Variants in DDX39B observed in about 807,000 individuals in gnomAD.
DDX39B encodes DExD-box helicase 39B, also known as spliceosome RNA helicase DDX39B.
DDX39B carries 6 observed loss-of-function variants against 46.4 expected under a neutral mutation model. The observed-to-expected ratio is 0.13, with a 90% CI of 0.07 to 0.26. The LOEUF (loss-of-function observed/expected upper bound fraction) is 0.26, where lower values mean the gene tolerates loss of function less well. Among genes scored for constraint, DDX39B ranks in the 10% least tolerant of loss-of-function variants. The pLI, the probability that DDX39B is intolerant of heterozygous loss-of-function variation, is 1.00. For missense variants in DDX39B, 185 were observed against 553.4 expected, an observed-to-expected ratio of 0.33 and a Z score of 6.68; for synonymous variants, 174 against 199.4, an observed-to-expected ratio of 0.87 and a Z score of 1.07.
rs1239112111 is a variant in DDX39B at position 31,535,020 on chromosome 6, G to A, written c.735+347C>T. On this transcript the variant is annotated intron_variant, in intron 6 of 10. Coordinates refer to ENST00000396172, the MANE Select transcript of DDX39B (RefSeq NM_004640.7). This position sits in a 1 kb window ranked among gnomAD's most constrained non-coding sequence, Gnocchi z 4.6. ...GATGCCACCTTGAGGGTGCGTGGCT[G>A]TAGGGTGCATGTAAGAGACGATGGA... 8.1e-6 allele frequency: 3 copies of A among 370,982 alleles called. No homozygotes were observed. The highest frequency in any genetic ancestry group is 3.8e-5 in the Admixed American group (1 of 26,096). The allele number at this position is 370,982 out of a possible 1,614,324, so 23.0% of individuals were successfully genotyped here. A position where few individuals can be genotyped will look rare whatever the true frequency, so the allele number is the denominator to read the frequency against.
intron 4 of DDX39B, 66 bp downstream of exon 4, chr6:31,538,697 C>G: frequency 7.1e-7 from 1 of 1,412,312 alleles, no homozygotes; most frequent in Non-Finnish European, 9.7e-7. Flanking sequence ...AGACTATTGG[C>G]CTACAAGTTT....
intron 5 of DDX39B, 44 bp downstream of exon 5, chr6:31,536,456 G>T: frequency 6.2e-7 from 1 of 1,612,222 alleles, no homozygotes; most frequent in South Asian, 1.1e-5. Context: ...TGGCTCCAAA[G>T]AACAACTCCC....
At position 31,530,465 on chromosome 6, in the gene DDX39B, T is replaced by A; in HGVS notation, c.1271-15A>T. On this transcript the variant is annotated splice_polypyrimidine_tract_variant and intron_variant, in intron 10 of 10. Coordinates refer to ENST00000396172, the MANE Select transcript of DDX39B (RefSeq NM_004640.7). The surrounding 1 kb of genome is among the most constrained non-coding windows in gnomAD (Gnocchi z 4.5). ...TGTCTGTTCAACTGAGAAGAAAACGTAGCATGGTCAGAATAAGGCATGAAA... is the reference window on the plus strand; with the variant it reads ...TGTCTGTTCAACTGAGAAGAAAACGAAGCATGGTCAGAATAAGGCATGAAA... The A allele has an allele frequency of 6.2e-7, 1 of 1,609,416 alleles. No homozygotes were observed. Among genetic ancestry groups the A allele is most frequent in the Non-Finnish European group, 8.5e-7 (1 of 1,178,356 alleles).
Position 31,535,193 on chromosome 6 carries a change from C to T in DDX39B, c.735+174G>A. 1.5e-6 allele frequency: 1 copy of T among 686,102 alleles called. No individual in the cohort carries two copies. The highest frequency in any genetic ancestry group is 1.7e-5 in the South Asian group (1 of 59,884). The allele number at this position is 686,102 out of a possible 1,614,324, so 42.5% of individuals were successfully genotyped here. A position where few individuals can be genotyped will look rare whatever the true frequency, so the allele number is the denominator to read the frequency against. ...GGAGTTTCCCTGGCACCCGCGCAGG[C>T]CCTAACACTAGCTGTCTCTGCTTCT... is the stretch of plus-strand genomic sequence containing the variant. On this transcript the variant is annotated intron_variant, in intron 6 of 10. Transcript: ENST00000396172. The surrounding 1 kb of genome is among the most constrained non-coding windows in gnomAD (Gnocchi z 4.6).
In DDX39B at chr6:31,535,646, GTTTGT is replaced by G. The variant is rs947992334; in HGVS notation, c.617-166_617-162del. Among the ~76,000 whole-genome samples the G allele has an allele frequency of 6.6e-6, 1 of 151,942 alleles. No individual in the cohort carries two copies. Among genetic ancestry groups the G allele is most frequent in the African/African-American group, 2.4e-5 (1 of 41,378 alleles). ...CAAGAAGTGGGATCAGATTCCAGCT[GTTTGT>G]TTTAACCAAGCAAGAAATAAGGTAA... is the stretch of plus-strand genomic sequence containing the variant. On this transcript the variant is annotated intron_variant, in intron 5 of 10. Coordinates refer to ENST00000396172, the MANE Select transcript of DDX39B (RefSeq NM_004640.7). The surrounding 1 kb of genome is among the most constrained non-coding windows in gnomAD (Gnocchi z 4.6).
In DDX39B at chr6:31,532,784, T is replaced by G. The variant is rs745700709; in HGVS notation, c.863A>C (p.Asn288Thr). The change falls in exon 7 of 11, where the codon AAC (asparagine) becomes ACC (threonine). Residue 288 changes from asparagine to threonine, a missense_variant. By Grantham distance (65) the Asn-to-Thr change is moderately conservative. This residue lies in a region of DDX39B where 110 missense variants were observed against 282.2 expected (regional missense o/e 0.39). Transcript: ENST00000396172. ...LFDLLDVLEF[N>T]QVVIFVKSVQ... ...CCTACTGGACGTCTAACTGACCTGG[T>G]TGAACTCAAGGACATCCAGAAGGTC... The G allele has an allele frequency of 6.2e-7, 1 of 1,610,248 alleles. No homozygotes were observed. The highest frequency in any genetic ancestry group is 1.3e-5 in the African/African-American group (1 of 74,776).
chr6:31,535,618 A>G lies in DDX39B; in HGVS notation c.617-133T>C. On this transcript the variant is annotated intron_variant, in intron 5 of 10. Coordinates refer to ENST00000396172, the MANE Select transcript of DDX39B (RefSeq NM_004640.7). The surrounding 1 kb of genome is among the most constrained non-coding windows in gnomAD (Gnocchi z 4.6). Reference sequence around the variant, plus strand: ...ACAATGGAAAGAGCAATGGACTTGGAATCAAGAAGTGGGATCAGATTCCAG... The same window carrying G: ...ACAATGGAAAGAGCAATGGACTTGGGATCAAGAAGTGGGATCAGATTCCAG... The G allele has an allele frequency of 1.4e-6, 1 of 690,374 alleles. No homozygotes were observed. Among genetic ancestry groups the G allele is most frequent in the Admixed American group, 2.7e-5 (1 of 37,344 alleles). 42.8% of individuals were successfully genotyped at this position (690,374 alleles called of 1,614,324 possible).
chr6:31,538,403 G>T (rs139509261), intron 4 of DDX39B, among the ~76,000 whole-genome samples: 1 of 152,212 alleles, frequency 6.6e-6, no homozygotes, highest in East Asian at 1.9e-4. Context: ...TAATCCACAC[G>T]CCTTGGCCTC....
At chr6:31,532,980 A>C in intron 6 of DDX39B, 69 bp from the exon 7 acceptor site, 1 of 538,060 alleles carries the variant, frequency 1.9e-6, no homozygotes, top group Non-Finnish European at 3.5e-6. Context: ...GGGGGGGTGG[A>C]GGAAGTTGAT....
rs1234375587 is a variant in DDX39B at position 31,541,870 on chromosome 6, A to T, written c.-133+80T>A. Reference sequence around the variant, plus strand: ...AGCGACCAGACCATCGCCTGTGAAAAGGGTATCAGGAACCCATGTGACGGG... The same window carrying T: ...AGCGACCAGACCATCGCCTGTGAAATGGGTATCAGGAACCCATGTGACGGG... On this transcript the variant is annotated intron_variant, in intron 1 of 10. Transcript: ENST00000396172. 2.7e-5 allele frequency: 17 copies of T among 632,550 alleles called. No individual in the cohort carries two copies. In the East Asian group the frequency reaches 4.7e-4, roughly 17 times the overall value. The allele number at this position is 632,550 out of a possible 1,614,324, so 39.2% of individuals were successfully genotyped here. A position where few individuals can be genotyped will look rare whatever the true frequency, so the allele number is the denominator to read the frequency against.
In DDX39B at chr6:31,539,287, G is replaced by C. The variant is rs371761523; in HGVS notation, c.212-13C>G. ...CACTCATGCTGGACTAAAAGTTGGGGGGGGAGGAAGATAAATTAGACTTCA... is the reference window on the plus strand; with the variant it reads ...CACTCATGCTGGACTAAAAGTTGGGCGGGGAGGAAGATAAATTAGACTTCA... On this transcript the variant is annotated splice_polypyrimidine_tract_variant and intron_variant, in intron 2 of 10. Coordinates refer to ENST00000396172, the MANE Select transcript of DDX39B (RefSeq NM_004640.7). 1.7e-5 allele frequency: 27 copies of C among 1,606,872 alleles called. No homozygotes were observed. The African/African-American group carries it at 3.1e-4, about 18-fold the overall frequency.
chr6:31,534,740 G>A lies in DDX39B; in HGVS notation c.735+627C>T, dbSNP rs1213546261. ...GGTGCCGTCTGCATTCCCTCGCCGC[G>A]CCACGGTGCTTCTCTGTTGCCGGCT... On this transcript the variant is annotated intron_variant, in intron 6 of 10. Transcript: ENST00000396172. The surrounding 1 kb of genome is among the most constrained non-coding windows in gnomAD (Gnocchi z 5.1). 7 of 348,150 alleles carry A rather than the reference G, an allele frequency of 2.0e-5. No homozygotes were observed. Among genetic ancestry groups the A allele is most frequent in the Admixed American group, 7.6e-5 (2 of 26,378 alleles). The allele number at this position is 348,150 out of a possible 1,614,324, so 21.6% of individuals were successfully genotyped here.
At position 31,536,668 on chromosome 6, in the gene DDX39B, CA is replaced by C; in HGVS notation, c.447del (p.Phe149LeufsTer13). The C allele has an allele frequency of 4.4e-6, 7 of 1,606,592 alleles. No individual in the cohort carries two copies. Among genetic ancestry groups the C allele is most frequent in the Admixed American group, 3.4e-5 (2 of 58,736 alleles). On this transcript the variant is annotated frameshift_variant, in exon 5 of 11. Transcript: ENST00000396172. LOFTEE classifies it high-confidence loss of function. ...YMPNVKVAVFFGGLSIKKDEE... is the reference protein window; with the variant it reads ...YMPNVKVAVFXGGLSIKKDEE... ...TCATCCTTCTTGATAGACAGACCAC[CA>C]AAAAAAACAGCAACCTGCCGAGCCA... is the stretch of plus-strand genomic sequence containing the variant.
At chr6:31,538,023 G>A (rs1406316793) in intron 4 of DDX39B, among the ~76,000 whole-genome samples, 3 of 152,058 alleles carry the variant, frequency 2.0e-5, no homozygotes, top group South Asian at 2.1e-4. Context: ...GGGACACAGC[G>A]AGACTCCATC....
At chr6:31,538,711 A>T in intron 4 of DDX39B, 52 bp downstream of exon 4, 1 of 1,512,872 alleles carries the variant, frequency 6.6e-7, no homozygotes, top group Non-Finnish European at 9.0e-7. Context: ...CAAGTTTCTT[A>T]TCCCTCCAAC....
At chr6:31,541,125 G>A (rs767686583) in intron 1 of DDX39B, 2 of 533,718 alleles carry the variant, frequency 3.7e-6, no homozygotes, top group South Asian at 1.4e-5. Flanking sequence ...GGTGATAGAT[G>A]AGGGTCATCA....
intron 4 of DDX39B, 141 bp downstream of exon 4, chr6:31,538,622 C>A: frequency 1.4e-6 from 1 of 715,090 alleles, no homozygotes; most frequent in Non-Finnish European, 2.3e-6. Flanking sequence ...TACGAATCCT[C>A]CTGTTACATA....
rs1767594460 is a variant in DDX39B, at chr6:31,534,778, G to T, written c.735+589C>A. On this transcript the variant is annotated intron_variant, in intron 6 of 10. Transcript: ENST00000396172. The surrounding 1 kb of genome is among the most constrained non-coding windows in gnomAD (Gnocchi z 5.1). ...TCTGTTGCCGGCTCACATCAACCGA[G>T]GTTCCAGATGGGTGCAAGGAGATGT... The T allele has an allele frequency of 5.9e-6, 2 of 337,136 alleles. No homozygotes were observed. The highest frequency in any genetic ancestry group is 7.7e-5 in the Admixed American group (2 of 26,044). 20.9% of individuals were successfully genotyped at this position (337,136 alleles called of 1,614,324 possible).
At position 31,538,793 on chromosome 6, in the gene DDX39B, C is replaced by T. The variant is rs1768068632; in HGVS notation, c.402G>A (p.Glu134=). ...ELAFQISKEY[E]RFSKYMPNVK... is the part of the protein sequence containing the mutation. Reference sequence around the variant, plus strand: ...CATTGGGCATGTATTTAGAGAAGCGCTCATATTCCTTGCTGATCTGAAAAG... The same window carrying T: ...CATTGGGCATGTATTTAGAGAAGCGTTCATATTCCTTGCTGATCTGAAAAG... Residue 134 remains glutamate, a synonymous_variant, in exon 4 of 11, where the codon GAG becomes GAA. Transcript: ENST00000396172. 1 of 1,614,126 alleles carries T rather than the reference C, an allele frequency of 6.2e-7. No individual in the cohort carries two copies. Among genetic ancestry groups the T allele is most frequent in the Non-Finnish European group, 8.5e-7 (1 of 1,180,004 alleles).
Sources: allele counts gnomAD v4.1 joint callset (sites outside exome capture counted in the v4.1 genomes callset), GRCh38; gene constraint gnomAD v4.1.1; regional missense constraint gnomAD v4.1.1; non-coding constraint Gnocchi (gnomAD v3.1); transcripts MANE v1.5; gene names NCBI Gene and HGNC (gene_info 2026-07-23, HGNC 2026-07-21).